SYNE1: variants seen among roughly 807,000 people sequenced by gnomAD.
SYNE1 encodes the protein nesprin-1.
A neutral mutation model predicts 1,111.0 loss-of-function variants in SYNE1; 616 were observed. The observed-to-expected ratio is 0.55, with a 90% CI of 0.52 to 0.59. The LOEUF is 0.59. Ranked by LOEUF, SYNE1 falls within the 20% of genes least tolerant of loss-of-function variation. The pLI, the probability that SYNE1 is intolerant of heterozygous loss-of-function variation, is 0.00. For missense variants in SYNE1, 10,006 were observed against 10,417.0 expected, an observed-to-expected ratio of 0.96 and a Z score of 1.72; for synonymous variants, 3,855 against 3,825.8, an observed-to-expected ratio of 1.01 and a Z score of -0.28.
intron 51 of SYNE1, among the ~76,000 whole-genome samples, chr6:152,393,754 T>C (rs2097685353): frequency 6.6e-6 from 1 of 152,204 alleles, no homozygotes; most frequent in Non-Finnish European, 1.5e-5. Context: ...AGACAAGGAA[T>C]ACTGGGCATG....
At chr6:152,496,000 G>A (rs985818749) in intron 11 of SYNE1, among the ~76,000 whole-genome samples, 1 of 152,128 alleles carries the variant, frequency 6.6e-6, no homozygotes, top group Admixed American at 6.6e-5. Flanking sequence ...ACCTCTTTTA[G>A]TGCTCTTTCT....
intron 115 of SYNE1, among the ~76,000 whole-genome samples, chr6:152,229,671 G>A (rs918712386): frequency 1.3e-5 from 2 of 152,002 alleles, no homozygotes; most frequent in African/African-American, 2.4e-5. Flanking sequence ...ACATCTTAAG[G>A]ACATTCATAG....
intron 82 of SYNE1, among the ~76,000 whole-genome samples, chr6:152,323,138 A>G (rs1054349695): frequency 2.6e-5 from 4 of 152,192 alleles, no homozygotes; most frequent in Non-Finnish European, 1.5e-5. Flanking sequence ...ACTTATCCCA[A>G]GGCCAAGTTC....
intron 93 of SYNE1, 80 bp from the exon 94 acceptor site, chr6:152,294,207 T>G (rs935341447): frequency 7.3e-7 from 1 of 1,366,550 alleles, no homozygotes; most frequent in African/African-American, 1.9e-5. Context: ...GTTGGTCATG[T>G]CAAGGAAAGG....
chr6:152,435,340 A>T (rs1290905538), intron 33 of SYNE1: 1 of 150,824 alleles, frequency 6.6e-6, no homozygotes, highest in African/African-American at 2.4e-5. Context: ...ACTTTTTTGT[A>T]TATTTTGGGT....
chr6:152,364,674 G>C (rs2097021359), intron 63 of SYNE1, among the ~76,000 whole-genome samples, 173 bp downstream of exon 63: 1 of 134,684 alleles, frequency 7.4e-6, no homozygotes, highest in East Asian at 2.1e-4. Flanking sequence ...GAGGGAAGGA[G>C]GAAGGAGGAA....
intron 6 of SYNE1, among the ~76,000 whole-genome samples, chr6:152,512,193 C>A (rs1412532723): frequency 6.6e-6 from 1 of 152,034 alleles, no homozygotes; most frequent in Admixed American, 6.6e-5. Context: ...TAAAAGCTAG[C>A]ACAAAAATCA....
intron 141 of SYNE1, among the ~76,000 whole-genome samples, chr6:152,135,871 G>A (rs189396417): frequency 5.9e-4 from 90 of 152,202 alleles, no homozygotes; most frequent in African/African-American, 2.0e-3. Context: ...TCTGGTTCCT[G>A]ACCACCTCCT....
intron 126 of SYNE1, among the ~76,000 whole-genome samples, chr6:152,205,369 C>T (rs969469126): frequency 1.3e-5 from 2 of 152,126 alleles, no homozygotes; most frequent in Non-Finnish European, 2.9e-5. Context: ...AGGTAAGGTA[C>T]CACATGATTC....
intron 11 of SYNE1, among the ~76,000 whole-genome samples, 183 bp from the exon 12 acceptor site, chr6:152,488,686 T>A (rs564808244): frequency 2.6e-4 from 39 of 152,148 alleles, no homozygotes; most frequent in Non-Finnish European, 3.8e-4. Context: ...TCTAGAAAAG[T>A]ATCTTAGTTA....
At chr6:152,325,916 T>C (rs760479717) in intron 80 of SYNE1, 42 bp downstream of exon 80, 1 of 1,611,756 alleles carries the variant, frequency 6.2e-7, no homozygotes, top group Non-Finnish European at 8.5e-7. Flanking sequence ...CTCATTATAA[T>C]TATAGAAAAA....
Position 152,533,577 on chromosome 6 carries a change from C to T in SYNE1, c.129+6383G>A, listed in dbSNP as rs2099216389. 2.6e-5 allele frequency among the ~76,000 whole-genome samples: 4 copies of T among 152,084 alleles called. No individual in the cohort carries two copies. In the South Asian group the frequency reaches 8.3e-4, roughly 32 times the overall value. ...CCAGTATCCAACCACCTCTCATCAC[C>T]TCTACTGCTACTATCTTGGTCCAAG... On this transcript the variant is annotated intron_variant, in intron 4 of 145. Coordinates refer to ENST00000367255, the MANE Select transcript of SYNE1 (RefSeq NM_182961.4).
At chr6:152,465,074 C>T (rs2098756439) in intron 18 of SYNE1, 184 bp downstream of exon 18, 2 of 645,888 alleles carry the variant, frequency 3.1e-6, no homozygotes, top group South Asian at 1.8e-5. Context: ...AACCCTCCAT[C>T]AGCTTCTATT....
Position 152,369,546 on chromosome 6 carries a change from A to G in SYNE1, c.9576T>C (p.Thr3192=). 1.9e-6 allele frequency: 3 copies of G among 1,614,168 alleles called. No individual in the cohort carries two copies. Among genetic ancestry groups the G allele is most frequent in the Non-Finnish European group, 2.5e-6 (3 of 1,180,034 alleles). The change falls in exon 60 of 146, where the codon ACT becomes ACC. Residue 3192 remains threonine, a synonymous_variant. Coordinates refer to ENST00000367255, the MANE Select transcript of SYNE1 (RefSeq NM_182961.4). ...AEPIQDWLSK[T]EKMVHESSNR... ...TGCTGCTTTCATGGACCATCTTCTC[A>G]GTTTTACTCAGCCAGTCCTGGATAG...
Position 152,141,281 on chromosome 6 carries a change from G to T in SYNE1, c.25168C>A (p.Leu8390Met). ...CSSSIDSVKR[L>M]EHKLKEEEES... ...TCTTCCTCCTTCAGTTTGTGCTCCA[G>T]TCTCTTCACGGAGTCTATACTGCTA... Residue 8390 changes from leucine to methionine, a missense_variant, in exon 139 of 146, where the codon CTG (leucine) becomes ATG (methionine). Leu to Met is a conservative substitution (Grantham distance 15). Transcript: ENST00000367255. 1 of 1,614,130 alleles carries T rather than the reference G, an allele frequency of 6.2e-7. No individual in the cohort carries two copies. The highest frequency in any genetic ancestry group is 1.1e-5 in the South Asian group (1 of 91,084).
intron 74 of SYNE1, among the ~76,000 whole-genome samples, chr6:152,341,538 C>T (rs909681575): frequency 6.6e-6 from 1 of 152,168 alleles, no homozygotes; most frequent in African/African-American, 2.4e-5. Flanking sequence ...ATCCATGTGC[C>T]ATTTTCTTGT....
intron 7 of SYNE1, among the ~76,000 whole-genome samples, 196 bp downstream of exon 7, chr6:152,510,815 G>C (rs566021940): frequency 2.6e-5 from 4 of 152,144 alleles, no homozygotes; most frequent in Admixed American, 6.5e-5. Context: ...GGGGTGTGAG[G>C]TTCCACATGC....
At chr6:152,427,371 C>A (rs1054673678) in intron 38 of SYNE1, among the ~76,000 whole-genome samples, 4 of 152,174 alleles carry the variant, frequency 2.6e-5, no homozygotes, top group African/African-American at 7.2e-5. Context: ...TGATAGCCAA[C>A]CTCTTTCATC....
At chr6:152,481,345 C>A (rs544289552) in intron 14 of SYNE1, among the ~76,000 whole-genome samples, 1 of 152,058 alleles carries the variant, frequency 6.6e-6, no homozygotes, top group African/African-American at 2.4e-5. Flanking sequence ...TGCTACCATG[C>A]CTATTTGCTG....
Sources: allele counts gnomAD v4.1 joint callset (sites outside exome capture counted in the v4.1 genomes callset), GRCh38; gene constraint gnomAD v4.1.1; transcripts MANE v1.5; gene names NCBI Gene and HGNC (gene_info 2026-07-23, HGNC 2026-07-21).